Variants in HUWE1 observed in about 807,000 individuals in gnomAD.
HUWE1 encodes HECT, UBA and WWE domain containing E3 ubiquitin protein ligase 1.
In HUWE1, 18 loss-of-function variants were observed where a neutral mutation model predicts 299.4. That is an observed-to-expected ratio of 0.06 (90% CI 0.04 to 0.09). The LOEUF (loss-of-function observed/expected upper bound fraction) is 0.09. Ranked by LOEUF, HUWE1 falls within the 10% of genes least tolerant of loss-of-function variation. The pLI is 1.00. For synonymous variants in HUWE1, 1,317 were observed against 1,286.1 expected, an observed-to-expected ratio of 1.02 and a Z score of -0.51; for missense variants, 1,832 against 3,462.3, an observed-to-expected ratio of 0.53 and a Z score of 11.82.
rs1227316721 is a variant in HUWE1 at position 53,532,920 on chromosome X, A to AATATAT, written c.*383_*388dup. 9.1e-6 allele frequency: 1 copy of AATATAT among 110,462 alleles called. No individual in the cohort carries two copies. Among genetic ancestry groups the AATATAT allele is most frequent in the African/African-American group, 3.3e-5 (1 of 30,064 alleles). The allele number at this position is 110,462 out of a possible 1,213,427, so 9.1% of individuals were successfully genotyped here. A position where few individuals can be genotyped will look rare whatever the true frequency, so the allele number is the denominator to read the frequency against. On this transcript the variant is annotated 3_prime_UTR_variant, in exon 84 of 84. Transcript: ENST00000262854. The stretch of plus-strand genomic sequence containing the variant: ...TTAAGAAATGCAAACAGAACAAAAA[A>AATATAT]ATATATATATATATAATTTTTTCCC...
intron 83 of HUWE1, 174 bp from the exon 84 acceptor site, chrX:53,533,585 G>C (rs1322132065): frequency 1.5e-5 from 7 of 474,797 alleles, no homozygotes; most frequent in Non-Finnish European, 3.8e-6. Flanking sequence ...CTCCCAAACT[G>C]GCCATCAGGC....
rs2148314375 is a variant in HUWE1 at position 53,584,248 on chromosome X, A to G, written c.5099T>C (p.Leu1700Pro). The change falls in exon 41 of 84, where the codon CTA (leucine) becomes CCA (proline). Residue 1700 changes from leucine (L) to proline (P), a missense_variant. Leu to Pro is a moderately conservative substitution (Grantham distance 98, BLOSUM62 -3). This residue lies in a region of HUWE1 where 46 missense variants were observed against 42.6 expected (regional missense o/e 1.08). Transcript: ENST00000262854. ...TTTGCTTTCTTCCAGCGTCTTCTCT[A>G]GTTCCTGTCCATTGCTGTTTTTTGA... ...KNSKNSNGQE[L>P]EKTLEESKEM... The G allele has an allele frequency of 1.7e-6, 2 of 1,206,806 alleles. No individual in the cohort carries two copies. Among genetic ancestry groups the G allele is most frequent in the Non-Finnish European group, 2.2e-6 (2 of 890,995 alleles).
chrX:53,627,956 A>T (rs1411453519), intron 15 of HUWE1, 77 bp from the exon 16 acceptor site: 1 of 968,515 alleles, frequency 1.0e-6, no homozygotes, highest in Non-Finnish European at 1.5e-6. Context: ...TTTTGTATAC[A>T]TGTAGTCTGG....
rs1278255750 is a variant in HUWE1, at chrX:53,560,397, T to C, written c.7527A>G (p.Pro2509=). ...FSSATDIPPS[P]GNIPTTHPLM... is the part of the protein sequence containing the mutation. ...GTGGATGGGTGGTAGGGATATTTCC[T>C]GGGGATGGGGGGATGTCTGCTGCAA... The change falls in exon 56 of 84, where the codon CCA becomes CCG. Residue 2509 remains proline, a synonymous_variant. Transcript: ENST00000262854. 12 of 1,208,472 alleles carry C rather than the reference T, an allele frequency of 9.9e-6. No homozygotes were observed. Among genetic ancestry groups the C allele is most frequent in the Non-Finnish European group, 1.3e-5 (12 of 894,184 alleles).
At chrX:53,602,737 C>A in intron 27 of HUWE1, 79 bp from the exon 28 acceptor site, 1 of 545,778 alleles carries the variant, frequency 1.8e-6, no homozygotes, top group South Asian at 3.6e-5. Flanking sequence ...TGTAAATGGT[C>A]TCTAATTTGC....
intron 45 of HUWE1, 24 bp downstream of exon 45, chrX:53,575,619 A>G (rs781969945): frequency 8.3e-7 from 1 of 1,200,809 alleles, no homozygotes; most frequent in African/African-American, 1.8e-5. Context: ...GAAGAAAGAT[A>G]AAACGCTGTT....
intron 19 of HUWE1, among the ~76,000 whole-genome samples, chrX:53,620,257 CTT>C (rs869154000): frequency 1.5e-4 from 14 of 95,796 alleles, no homozygotes; most frequent in Non-Finnish European, 8.4e-5. Context: ...TTCCATTTGT[CTT>C]TTTTTTTTTT....
At position 53,532,386 on chromosome X, in the gene HUWE1, A is replaced by T. The variant is rs1556906984; in HGVS notation, c.*923T>A. 1.8e-5 allele frequency: 2 copies of T among 111,894 alleles called. No individual in the cohort carries two copies. The highest frequency in any genetic ancestry group is 6.5e-5 in the African/African-American group (2 of 30,796). 9.2% of individuals were successfully genotyped at this position (111,894 alleles called of 1,213,427 possible). A position where few individuals can be genotyped will look rare whatever the true frequency, so the allele number is the denominator to read the frequency against. On this transcript the variant is annotated 3_prime_UTR_variant, in exon 84 of 84. Transcript: ENST00000262854. ...AAATAAAAATCTAAAACTGAGCCCC[A>T]GACTCAAGACTACTAGAAAGGCTCA...
chrX:53,554,414 A>G (rs1446886719), intron 61 of HUWE1, among the ~76,000 whole-genome samples: 1 of 111,052 alleles, frequency 9.0e-6, no homozygotes, highest in African/African-American at 3.3e-5. Context: ...AATTGCCTCA[A>G]TGAACTGTTG....
chrX:53,636,846 T>C (rs1284021661), intron 7 of HUWE1, among the ~76,000 whole-genome samples: 1 of 112,231 alleles, frequency 8.9e-6, no homozygotes, highest in African/African-American at 3.2e-5. Context: ...GTGAAGTAAA[T>C]TGAGATAACC....
intron 7 of HUWE1, among the ~76,000 whole-genome samples, chrX:53,634,945 T>G (rs2067110741): frequency 8.9e-6 from 1 of 112,194 alleles, no homozygotes; most frequent in Non-Finnish European, 1.9e-5. Context: ...GCCTGCATCT[T>G]AACAGCCTTT....
At position 53,569,763 on chromosome X, in the gene HUWE1, T is replaced by G; in HGVS notation, c.6377A>C (p.Lys2126Thr). The G allele has an allele frequency of 3.3e-6, 4 of 1,212,188 alleles. No homozygotes were observed. Among genetic ancestry groups the G allele is most frequent in the Non-Finnish European group, 4.5e-6 (4 of 895,522 alleles). ...LLPHTQNAED[K>T]DTPALARLFL... ...CAGGCGGGCCAAGGCAGGGGTGTCC[T>G]TGTCTTCTGCATTCTGGGTATGTGG... The change falls in exon 48 of 84, where the codon AAG becomes ACG. Residue 2126 changes from lysine (K) to threonine (T), a missense_variant. By Grantham distance (78) the Lys-to-Thr change is moderately conservative (BLOSUM62 -1). This residue lies in a region of HUWE1 where 157 missense variants were observed against 252.3 expected (regional missense o/e 0.62). Coordinates refer to ENST00000262854, the MANE Select transcript of HUWE1 (RefSeq NM_031407.7).
At chrX:53,557,666 G>A (rs1220269902) in intron 59 of HUWE1, among the ~76,000 whole-genome samples, 1 of 111,830 alleles carries the variant, frequency 8.9e-6, no homozygotes, top group African/African-American at 3.2e-5. Context: ...AATATGGAAG[G>A]AAAGGATAAT....
intron 55 of HUWE1, among the ~76,000 whole-genome samples, chrX:53,561,427 G>T (rs1461080631): frequency 2.7e-5 from 3 of 112,793 alleles, no homozygotes; most frequent in African/African-American, 9.6e-5. Context: ...ATTATTGATT[G>T]CCCTGCCACT....
intron 7 of HUWE1, among the ~76,000 whole-genome samples, chrX:53,643,974 C>T (rs1470559537): frequency 9.0e-6 from 1 of 110,561 alleles, no homozygotes; most frequent in Non-Finnish European, 1.9e-5. Context: ...CAGGGGTGTG[C>T]CACCACACCT....
At position 53,675,130 on chromosome X, in the gene HUWE1, T is replaced by A. The variant is rs183415663; in HGVS notation, c.-25+4919A>T. On this transcript the variant is annotated intron_variant, in intron 3 of 83. Coordinates refer to ENST00000262854, the MANE Select transcript of HUWE1 (RefSeq NM_031407.7). ...GTTTCTTTACATTGTACTTGATCACTACCTGGGTATGGGAGCCTCTATTTT... is the reference window on the plus strand; with the variant it reads ...GTTTCTTTACATTGTACTTGATCACAACCTGGGTATGGGAGCCTCTATTTT... Among the ~76,000 whole-genome samples, 54 of 111,279 alleles carry A rather than the reference T, an allele frequency of 4.9e-4. No homozygotes were observed. The East Asian group carries it at 5.9e-3, about 12-fold the overall frequency.
chrX:53,600,320 A>AT lies in HUWE1; in HGVS notation c.2972-12dup. 1 of 1,163,264 alleles carries AT rather than the reference A, an allele frequency of 8.6e-7. No individual in the cohort carries two copies. Among genetic ancestry groups the AT allele is most frequent in the Non-Finnish European group, 1.2e-6 (1 of 855,909 alleles). On this transcript the variant is annotated splice_polypyrimidine_tract_variant and intron_variant, in intron 28 of 83. Transcript: ENST00000262854. ...CATCCTGTTCCCCATCTACAGATGT[A>AT]TAAGAGGGGAGCAATAGGACAATGT... is the stretch of plus-strand genomic sequence containing the variant.
rs1556929006 is a variant in HUWE1 at position 53,551,487 on chromosome X, G to A, written c.8882-7C>T. On this transcript the variant is annotated splice_region_variant and splice_polypyrimidine_tract_variant and intron_variant, in intron 63 of 83. Coordinates refer to ENST00000262854, the MANE Select transcript of HUWE1 (RefSeq NM_031407.7). ...CCTTCAGGGAGACTGATACCTGAAGGGAGATATAACATGTAAAGGGATTCA... is the reference window on the plus strand; with the variant it reads ...CCTTCAGGGAGACTGATACCTGAAGAGAGATATAACATGTAAAGGGATTCA... The A allele has an allele frequency of 8.5e-7, 1 of 1,179,164 alleles. No homozygotes were observed. Among genetic ancestry groups the A allele is most frequent in the Non-Finnish European group, 1.1e-6 (1 of 873,745 alleles).
At chrX:53,578,827 G>A (rs868992672) in intron 43 of HUWE1, among the ~76,000 whole-genome samples, 24 of 62,785 alleles carry the variant, frequency 3.8e-4, no homozygotes, top group Admixed American at 1.2e-3. Context: ...CCCCCCGCCC[G>A]GCCAGCCGCC....
Sources: allele counts gnomAD v4.1 joint callset (sites outside exome capture counted in the v4.1 genomes callset), GRCh38; gene constraint gnomAD v4.1.1; regional missense constraint gnomAD v4.1.1; transcripts MANE v1.5; gene names NCBI Gene and HGNC (gene_info 2026-07-23, HGNC 2026-07-21).